The following ATP11A variants were observed in gnomAD, a reference collection of about 807,000 sequenced individuals.
ATP11A encodes the protein ATPase phospholipid transporting 11A.
In ATP11A, 81 loss-of-function variants were observed where a neutral mutation model predicts 154.4. The observed-to-expected ratio is 0.52, with a 90% CI of 0.44 to 0.63. The LOEUF is 0.63. ATP11A is among the 30% of genes least tolerant of loss of function. ATP11A has a pLI of 0.00. For synonymous variants in ATP11A, 623 were observed against 585.9 expected, an observed-to-expected ratio of 1.06 and a Z score of -0.91; for missense variants, 1,316 against 1,474.3, an observed-to-expected ratio of 0.89 and a Z score of 1.76.
At chr13:112,757,500 T>A (rs2076869814) in intron 1 of ATP11A, among the ~76,000 whole-genome samples, 1 of 151,878 alleles carries the variant, frequency 6.6e-6, no homozygotes, top group Admixed American at 6.5e-5. Flanking sequence ...TATTTCCACA[T>A]TTTACTTTGT....
In ATP11A at chr13:112,724,674, C is replaced by G. The variant is rs541196210; in HGVS notation, c.39+34219C>G. 3.5e-3 allele frequency among the ~76,000 whole-genome samples: 527 copies of G among 152,190 alleles called. 1 individual carries two copies. Among genetic ancestry groups the G allele is most frequent in the South Asian group, 0.015 (72 of 4,824 alleles). On this transcript the variant is annotated intron_variant, in intron 1 of 29. Coordinates refer to ENST00000375645, the MANE Select transcript of ATP11A (RefSeq NM_015205.3). The stretch of plus-strand genomic sequence containing the variant: ...CTGGGGATGGAAGCTGCAGCCCTGT[C>G]CTGGGGTGAGGCCGGCCCCCCCCCA...
intron 29 of ATP11A, 134 bp from the exon 30 acceptor site, chr13:112,881,742 A>T: frequency 1.5e-6 from 2 of 1,328,700 alleles, no homozygotes; most frequent in Non-Finnish European, 2.0e-6. Context: ...AGTGCATCCC[A>T]GAGTGGCTCA....
chr13:112,723,758 A>G (rs1889489020), intron 1 of ATP11A, among the ~76,000 whole-genome samples: 1 of 152,088 alleles, frequency 6.6e-6, no homozygotes, highest in Non-Finnish European at 1.5e-5. Flanking sequence ...GAAGGGGCTT[A>G]GGATTTTATT....
In ATP11A at chr13:112,875,017, T is replaced by C. The variant is rs2080674981; in HGVS notation, c.3162-759T>C. On this transcript the variant is annotated intron_variant, in intron 27 of 29. Transcript: ENST00000375645. This position sits in a 1 kb window ranked among gnomAD's most constrained non-coding sequence, Gnocchi z 4.1. Reference sequence around the variant, plus strand: ...TGGGAGCTCACCATGTCACCACCGCTTGGTGATGAGACCCCATCCTCCTGC... The same window carrying C: ...TGGGAGCTCACCATGTCACCACCGCCTGGTGATGAGACCCCATCCTCCTGC... Among the ~76,000 whole-genome samples the C allele has an allele frequency of 6.6e-6, 1 of 152,146 alleles. No homozygotes were observed. Among genetic ancestry groups the C allele is most frequent in the Non-Finnish European group, 1.5e-5 (1 of 68,022 alleles).
At position 112,806,254 on chromosome 13, in the gene ATP11A, TC is replaced by T; in HGVS notation, c.296del (p.Pro99HisfsTer8). The T allele has an allele frequency of 1.2e-6, 2 of 1,613,728 alleles. No individual in the cohort carries two copies. The highest frequency in any genetic ancestry group is 1.7e-6 in the Non-Finnish European group (2 of 1,179,780). On this transcript the variant is annotated frameshift_variant, in exon 4 of 30. Coordinates refer to ENST00000375645, the MANE Select transcript of ATP11A (RefSeq NM_015205.3). LOFTEE classifies it high-confidence loss of function. ...TPTSPVTSGL[P>X]LFFVITVTAI... is the part of the protein sequence containing the mutation. ...CCACAAGTCCAGTGACAAGCGGACT[TC>T]CACTCTTCTTTGTCATTACTGTGAC...
At chr13:112,794,269 T>TACA (rs1198576168) in intron 2 of ATP11A, among the ~76,000 whole-genome samples, 2 of 152,140 alleles carry the variant, frequency 1.3e-5, no homozygotes, top group African/African-American at 4.8e-5. Flanking sequence ...GGCAAATACT[T>TACA]ACATTTTTAC....
chr13:112,791,072 C>T (rs1279769976), intron 2 of ATP11A, among the ~76,000 whole-genome samples: 5 of 152,198 alleles, frequency 3.3e-5, no homozygotes, highest in Non-Finnish European at 5.9e-5. Context: ...CAGTCTCAGG[C>T]GGAGCTCACT....
chr13:112,867,062 TA>T (rs60361114), intron 25 of ATP11A, among the ~76,000 whole-genome samples: 152,145 of 152,304 alleles, frequency 1, 75,993 homozygotes, highest in Non-Finnish European at 1. Flanking sequence ...GCGTAGCCCT[TA>T]AGAGAGAACT....
At chr13:112,817,789 T>G (rs1195032687) in intron 6 of ATP11A, among the ~76,000 whole-genome samples, 1 of 152,260 alleles carries the variant, frequency 6.6e-6, no homozygotes, top group Non-Finnish European at 1.5e-5. Context: ...CAGTTTGCAT[T>G]ATAGTTTTGT....
intron 1 of ATP11A, among the ~76,000 whole-genome samples, chr13:112,719,695 CAG>C (rs1378653312): frequency 1.3e-5 from 2 of 151,896 alleles, no homozygotes; most frequent in Admixed American, 6.6e-5. Flanking sequence ...GAGGGTAAAG[CAG>C]AGGGGACTTT....
intron 25 of ATP11A, among the ~76,000 whole-genome samples, chr13:112,862,786 G>C (rs1196943316): frequency 6.7e-6 from 1 of 149,162 alleles, no homozygotes; most frequent in Non-Finnish European, 1.5e-5. Context: ...AGCCCGTGCA[G>C]CTTCCCAGCA....
chr13:112,785,131 G>A lies in ATP11A; in HGVS notation c.40-4G>A, dbSNP rs370459187. ...GCTGCCTAACACCGCTCTCCTTTCC[G>A]CAGTGTGCAGGAGAAGAGAATTGGG... is the stretch of plus-strand genomic sequence containing the variant. On this transcript the variant is annotated splice_polypyrimidine_tract_variant and splice_region_variant and intron_variant, in intron 1 of 29. Coordinates refer to ENST00000375645, the MANE Select transcript of ATP11A (RefSeq NM_015205.3). This position sits in a 1 kb window ranked among gnomAD's most constrained non-coding sequence, Gnocchi z 4.8. 4.4e-5 allele frequency: 66 copies of A among 1,487,552 alleles called. No homozygotes were observed. Among genetic ancestry groups the A allele is most frequent in the African/African-American group, 2.2e-4 (15 of 69,418 alleles). The allele number at this position is 1,487,552 out of a possible 1,614,324, so 92.1% of individuals were successfully genotyped here.
chr13:112,864,744 G>A (rs561747556), intron 25 of ATP11A, among the ~76,000 whole-genome samples: 2 of 64,210 alleles, frequency 3.1e-5, no homozygotes, highest in Non-Finnish European at 5.0e-5. Context: ...TCCCAGCGGG[G>A]TCCATCACCA....
At chr13:112,826,606 T>C (rs1283454781) in intron 11 of ATP11A, 88 bp from the exon 12 acceptor site, 12 of 1,047,742 alleles carry the variant, frequency 1.1e-5, no homozygotes, top group African/African-American at 7.8e-5. Flanking sequence ...GTATAACTTA[T>C]GCCTAAGCCT....
rs1005890589 is a variant in ATP11A, at chr13:112,836,205, T to A, written c.1659T>A (p.Phe553Leu). 2 of 1,612,978 alleles carry A rather than the reference T, an allele frequency of 1.2e-6. No individual in the cohort carries two copies. The highest frequency in any genetic ancestry group is 2.7e-5 in the African/African-American group (2 of 74,944). ...ERFELLEILS[F>L]DSVRRRMSVI... ...TTGAATTGCTGGAAATTTTGAGTTT[T>A]GACTCAGTCAGAAGGAGAATGAGTG... is the stretch of plus-strand genomic sequence containing the variant. Residue 553 changes from phenylalanine (F) to leucine (L), a missense_variant, in exon 16 of 30, where the codon TTT becomes TTA. By Grantham distance (22) the Phe-to-Leu change is conservative. Transcript: ENST00000375645.
intron 1 of ATP11A, among the ~76,000 whole-genome samples, chr13:112,715,550 C>A (rs145869157): frequency 3.0e-5 from 2 of 65,840 alleles, no homozygotes; most frequent in Admixed American, 1.5e-4. Flanking sequence ...GGCCCCCCCC[C>A]ACCTGCCTGA....
At chr13:112,842,764 G>T (rs567651750) in intron 17 of ATP11A, among the ~76,000 whole-genome samples, 1 of 152,352 alleles carries the variant, frequency 6.6e-6, no homozygotes, top group Admixed American at 6.5e-5. Context: ...AAACAAATCA[G>T]CACTTTCGTT....
chr13:112,752,396 G>C (rs2076714448), intron 1 of ATP11A, among the ~76,000 whole-genome samples: 1 of 152,186 alleles, frequency 6.6e-6, no homozygotes, highest in Non-Finnish European at 1.5e-5. Flanking sequence ...AAGTCTCCTG[G>C]GTTCCCGGGG....
At position 112,853,873 on chromosome 13, in the gene ATP11A, A is replaced by G. The variant is rs549094647; in HGVS notation, c.1992-406A>G. ...AGTTTATACAAAACAAAAGACAATC[A>G]ATATTCCTGACCACCTTGAGTCCAG... is the stretch of plus-strand genomic sequence containing the variant. On this transcript the variant is annotated intron_variant, in intron 18 of 29. Coordinates refer to ENST00000375645, the MANE Select transcript of ATP11A (RefSeq NM_015205.3). 5.1e-4 allele frequency among the ~76,000 whole-genome samples: 78 copies of G among 152,286 alleles called. 1 individual carries two copies. The highest frequency in any genetic ancestry group is 1.8e-3 in the African/African-American group (74 of 41,560).
Sources: gnomAD v4.1 joint callset for allele counts (sites outside exome capture counted in the v4.1 genomes callset) on GRCh38, gnomAD v4.1.1 for gene constraint, Gnocchi (gnomAD v3.1) non-coding constraint, MANE v1.5 for transcripts, NCBI Gene and HGNC (gene_info 2026-07-23, HGNC 2026-07-21) for gene names.